Variants in KDM5A observed in about 807,000 individuals in gnomAD.
KDM5A encodes the protein lysine demethylase 5A.
In KDM5A, 42 loss-of-function variants were observed where a neutral mutation model predicts 193.5. The observed-to-expected ratio is 0.22, with a 90% CI of 0.17 to 0.28. The LOEUF is 0.28. Ranked by LOEUF, KDM5A falls within the 10% of genes least tolerant of loss-of-function variation. KDM5A has a pLI of 1.00. For synonymous variants in KDM5A, 796 were observed against 718.1 expected (o/e 1.11, Z -1.73); for missense variants, 1,692 against 2,055.1 (o/e 0.82, Z 3.42).
chr12:351,796 C>T (rs1944163300), intron 9 of KDM5A, among the ~76,000 whole-genome samples: 1 of 151,866 alleles, frequency 6.6e-6, no homozygotes, highest in Admixed American at 6.6e-5. Flanking sequence ...GAGTGAAATC[C>T]CGTCTCTATT....
chr12:374,460 T>G (rs1326461835), intron 3 of KDM5A, among the ~76,000 whole-genome samples: 3 of 152,218 alleles, frequency 2.0e-5, no homozygotes, highest in Non-Finnish European at 2.9e-5. Context: ...TTTGAGCCTG[T>G]GTGTGTCTCT....
In KDM5A at chr12:351,579, C is replaced by T. The variant is rs1272240804; in HGVS notation, c.1149+626G>A. ...ATATCCTAGGAAAAGAAGCAAACCC[C>T]ACAGTAAAAATAACTAAAGAAAAGC... On this transcript the variant is annotated intron_variant, in intron 9 of 27. Coordinates refer to ENST00000399788, the MANE Select transcript of KDM5A (RefSeq NM_001042603.3). Among the ~76,000 whole-genome samples the T allele has an allele frequency of 2.0e-5, 3 of 152,104 alleles. No homozygotes were observed. In the East Asian group the frequency reaches 5.8e-4, roughly 29 times the overall value.
chr12:388,751 C>T (rs1215827618), intron 1 of KDM5A, among the ~76,000 whole-genome samples, 176 bp downstream of exon 1: 1 of 152,184 alleles, frequency 6.6e-6, no homozygotes, highest in Non-Finnish European at 1.5e-5. Context: ...CGCTTTCAGA[C>T]GTGTCTACAT....
chr12:357,827 CAAAAAA>C (rs61577928), intron 5 of KDM5A, among the ~76,000 whole-genome samples: 58 of 29,866 alleles, frequency 1.9e-3, no homozygotes, highest in Admixed American at 5.9e-3. Flanking sequence ...GACTCAGTCT[CAAAAAA>C]AAAAAAAAAA....
intron 3 of KDM5A, among the ~76,000 whole-genome samples, chr12:372,544 C>A (rs1944442694): frequency 6.6e-6 from 1 of 152,198 alleles, no homozygotes; most frequent in Non-Finnish European, 1.5e-5. Flanking sequence ...CAAACAGGGA[C>A]AACTTGACTT....
Position 294,010 on chromosome 12 carries a change from C to T in KDM5A, c.4456-841G>A, listed in dbSNP as rs1216245794. 2.0e-5 allele frequency among the ~76,000 whole-genome samples: 3 copies of T among 151,888 alleles called. No homozygotes were observed. In the East Asian group the frequency reaches 5.8e-4, roughly 29 times the overall value. On this transcript the variant is annotated intron_variant, in intron 26 of 27. Coordinates refer to ENST00000399788, the MANE Select transcript of KDM5A (RefSeq NM_001042603.3). ...TCTCTGTTAGAGATGAAAACATACACAAAAAGCAAACTGTACTAAATTATG... is the reference window on the plus strand; with the variant it reads ...TCTCTGTTAGAGATGAAAACATACATAAAAAGCAAACTGTACTAAATTATG...
chr12:367,977 C>T (rs1186028095), intron 3 of KDM5A, among the ~76,000 whole-genome samples: 1 of 152,120 alleles, frequency 6.6e-6, no homozygotes, highest in Non-Finnish European at 1.5e-5. Context: ...CAGATTCTTG[C>T]ACACCAATGT....
chr12:324,832 C>T (rs1342640762), intron 14 of KDM5A, among the ~76,000 whole-genome samples: 1 of 151,566 alleles, frequency 6.6e-6, no homozygotes, highest in Non-Finnish European at 1.5e-5. Flanking sequence ...GAGATCACGC[C>T]ACTGCACTCC....
At chr12:351,981 G>A (rs537847317) in intron 9 of KDM5A, among the ~76,000 whole-genome samples, 1 of 151,912 alleles carries the variant, frequency 6.6e-6, no homozygotes, top group Admixed American at 6.6e-5. Flanking sequence ...GCAGGCGCCT[G>A]CAGTCCCAGC....
At chr12:305,110 T>A (rs950180240) in intron 24 of KDM5A, among the ~76,000 whole-genome samples, 1 of 152,162 alleles carries the variant, frequency 6.6e-6, no homozygotes, top group Non-Finnish European at 1.5e-5. Flanking sequence ...ATAATGGGAT[T>A]TAGCAGTACA....
At chr12:340,480 G>A (rs1410750193) in intron 10 of KDM5A, among the ~76,000 whole-genome samples, 1 of 152,044 alleles carries the variant, frequency 6.6e-6, no homozygotes, top group Non-Finnish European at 1.5e-5. Context: ...CAAATCATGA[G>A]GTCAGTAGTT....
chr12:312,764 A>G (rs1022713770), intron 20 of KDM5A, among the ~76,000 whole-genome samples: 3 of 152,202 alleles, frequency 2.0e-5, no homozygotes, highest in East Asian at 1.9e-4. Context: ...GAACACTTAC[A>G]TCGGCATGAC....
chr12:358,573 G>A (rs1203478062), intron 5 of KDM5A, among the ~76,000 whole-genome samples: 4 of 152,176 alleles, frequency 2.6e-5, no homozygotes, highest in Non-Finnish European at 4.4e-5. Flanking sequence ...TTTCAGAAAA[G>A]CAATAAAGGT....
intron 1 of KDM5A, among the ~76,000 whole-genome samples, chr12:386,281 C>A (rs1343967529): frequency 6.6e-6 from 1 of 152,100 alleles, no homozygotes; most frequent in Non-Finnish European, 1.5e-5. Context: ...ATACAAAATT[C>A]TTTTGTTTCA....
chr12:305,970 T>TTTC (rs1943498630), intron 24 of KDM5A, among the ~76,000 whole-genome samples: 1 of 60,574 alleles, frequency 1.7e-5, no homozygotes, highest in African/African-American at 1.6e-4. Flanking sequence ...AATGGAAGTG[T>TTTC]TTTTTTTTTT....
At chr12:319,074 T>C (rs968841939) in intron 18 of KDM5A, among the ~76,000 whole-genome samples, 1 of 152,060 alleles carries the variant, frequency 6.6e-6, no homozygotes, top group East Asian at 1.9e-4. Context: ...GATGGAGAAA[T>C]GTTGTTAAAA....
Position 307,821 on chromosome 12 carries a change from C to G in KDM5A, c.3563G>C (p.Cys1188Ser), listed in dbSNP as rs1371810944. ...GGAACTTGATTTAGGAAGAGGAACA[C>G]AGCTGTTATGGAACCAGTCTTTGCA... ...ELCKDWFHNSCVPLPKSSSQK... is the reference protein window; with the variant it reads ...ELCKDWFHNSSVPLPKSSSQK... Residue 1188 changes from cysteine to serine, a missense_variant, in exon 23 of 28, where the codon TGT becomes TCT. This residue lies in a region of KDM5A where 965 missense variants were observed against 1,061.0 expected (regional missense o/e 0.91). Coordinates refer to ENST00000399788, the MANE Select transcript of KDM5A (RefSeq NM_001042603.3). The surrounding 1 kb of genome is among the most constrained non-coding windows in gnomAD (Gnocchi z 4.3). 1 of 1,614,048 alleles carries G rather than the reference C, an allele frequency of 6.2e-7. No individual in the cohort carries two copies.
chr12:295,073 T>A (rs1225165309), intron 26 of KDM5A, among the ~76,000 whole-genome samples: 1 of 152,184 alleles, frequency 6.6e-6, no homozygotes, highest in Non-Finnish European at 1.5e-5. Context: ...AGCCCTCCAA[T>A]AATGGGAGTC....
chr12:299,716 C>A lies in KDM5A; in HGVS notation c.4075-2516G>T, dbSNP rs532965310. ...CATAACAATATTAAATGTAAATGGGCTAAATGCCCCAATTAAAAGACAAAG... is the reference window on the plus strand; with the variant it reads ...CATAACAATATTAAATGTAAATGGGATAAATGCCCCAATTAAAAGACAAAG... On this transcript the variant is annotated intron_variant, in intron 24 of 27. Coordinates refer to ENST00000399788, the MANE Select transcript of KDM5A (RefSeq NM_001042603.3). Among the ~76,000 whole-genome samples, 73 of 152,146 alleles carry A rather than the reference C, an allele frequency of 4.8e-4. 1 individual carries two copies. In the South Asian group the frequency reaches 0.015, roughly 32 times the overall value.
Sources: allele counts gnomAD v4.1 joint callset (sites outside exome capture counted in the v4.1 genomes callset), GRCh38; gene constraint gnomAD v4.1.1; regional missense constraint gnomAD v4.1.1; non-coding constraint Gnocchi (gnomAD v3.1); transcripts MANE v1.5; gene names NCBI Gene and HGNC (gene_info 2026-07-23, HGNC 2026-07-21).